PODXL2: variants seen among roughly 807,000 people sequenced by gnomAD.
PODXL2 encodes the protein podocalyxin-like protein 2.
In PODXL2, 17 loss-of-function variants were observed where a neutral mutation model predicts 53.4. That is an observed-to-expected ratio of 0.32 (90% CI 0.22 to 0.48). The LOEUF is 0.48. Ranked by LOEUF, PODXL2 falls within the 20% of genes least tolerant of loss-of-function variation. The pLI is 0.99. For missense variants in PODXL2, 673 were observed against 760.0 expected, an observed-to-expected ratio of 0.89 and a Z score of 1.35; for synonymous variants, 311 against 306.7, an observed-to-expected ratio of 1.01 and a Z score of -0.15.
rs776388608 is a variant in PODXL2 at position 127,671,610 on chromosome 3, C to T, written c.1602C>T (p.His534=). The part of the protein sequence containing the change: ...CWQRRLPKLK[H]VSHGEELRFV... The stretch of plus-strand genomic sequence containing the variant: ...AGCGCCGGCTGCCCAAGCTCAAGCA[C>T]GTGGTGAGTGTGGGGACAGGTGGGG... Residue 534 remains histidine (H), a synonymous_variant, in exon 7 of 8, where the codon CAC becomes CAT. Coordinates refer to ENST00000342480, the MANE Select transcript of PODXL2 (RefSeq NM_015720.4). 7 of 1,613,016 alleles carry T rather than the reference C, an allele frequency of 4.3e-6. No homozygotes were observed. Among genetic ancestry groups the T allele is most frequent in the Non-Finnish European group, 5.1e-6 (6 of 1,179,926 alleles).
At chr3:127,646,320 A>G (rs2074656828) in intron 2 of PODXL2, among the ~76,000 whole-genome samples, 1 of 152,088 alleles carries the variant, frequency 6.6e-6, no homozygotes, top group Non-Finnish European at 1.5e-5. Flanking sequence ...CTCTCAGCAC[A>G]GTGATTTTGC....
At chr3:127,671,959 C>T (rs960527223) in intron 7 of PODXL2, among the ~76,000 whole-genome samples, 3 of 152,210 alleles carry the variant, frequency 2.0e-5, no homozygotes, top group Admixed American at 2.0e-4. Context: ...GCTCCAGCAG[C>T]CTAGAGGCCT....
rs2074840014 is a variant in PODXL2 at position 127,671,604 on chromosome 3, C to T, written c.1596C>T (p.Leu532=). Residue 532 remains leucine (L), a synonymous_variant, in exon 7 of 8, where the codon CTC becomes CTT. Coordinates refer to ENST00000342480, the MANE Select transcript of PODXL2 (RefSeq NM_015720.4). ...GCTGGCAGCGCCGGCTGCCCAAGCTCAAGCACGTGGTGAGTGTGGGGACAG... is the reference window on the plus strand; with the variant it reads ...GCTGGCAGCGCCGGCTGCCCAAGCTTAAGCACGTGGTGAGTGTGGGGACAG... The part of the protein sequence containing the change: ...YNCWQRRLPK[L]KHVSHGEELR... The T allele has an allele frequency of 6.2e-7, 1 of 1,613,280 alleles. No homozygotes were observed.
At chr3:127,640,882 T>C (rs1488464346) in intron 2 of PODXL2, among the ~76,000 whole-genome samples, 3 of 152,288 alleles carry the variant, frequency 2.0e-5, no homozygotes, top group Non-Finnish European at 2.9e-5. Context: ...TTGTTAAATA[T>C]CCATTTATAA....
intron 2 of PODXL2, among the ~76,000 whole-genome samples, chr3:127,640,881 A>T (rs2074614126): frequency 6.6e-6 from 1 of 152,174 alleles, no homozygotes; most frequent in African/African-American, 2.4e-5. Context: ...ATTGTTAAAT[A>T]TCCATTTATA....
rs184585724 is a variant in PODXL2, at chr3:127,672,390, C to A, written c.1728C>A (p.Ala576=). ...ACCCCAGCCTGAACGGCGGCGGGGC[C>A]CTCAACGGCCCGGGGAGCTGGGGGG... The part of the protein sequence containing the change: ...EKHPSLNGGG[A]LNGPGSWGAL... Residue 576 remains alanine, a synonymous_variant, in exon 8 of 8, where the codon GCC becomes GCA. Transcript: ENST00000342480. The A allele has an allele frequency of 1.9e-6, 3 of 1,544,834 alleles. No homozygotes were observed. Among genetic ancestry groups the A allele is most frequent in the Middle Eastern group, 1.7e-4 (1 of 5,906 alleles).
intron 5 of PODXL2, 53 bp downstream of exon 5, chr3:127,668,650 G>C: frequency 7.0e-7 from 1 of 1,428,498 alleles, no homozygotes; most frequent in Non-Finnish European, 9.2e-7. Context: ...GAGGCGGGCG[G>C]CCCCTGAGGG....
chr3:127,649,264 G>T (rs908880624), intron 2 of PODXL2, among the ~76,000 whole-genome samples: 3 of 152,246 alleles, frequency 2.0e-5, no homozygotes, highest in African/African-American at 7.2e-5. Context: ...TGGTCTCCCA[G>T]TATAAGGCGG....
At chr3:127,643,347 A>G (rs1370853226) in intron 2 of PODXL2, among the ~76,000 whole-genome samples, 2 of 152,004 alleles carry the variant, frequency 1.3e-5, no homozygotes, top group African/African-American at 4.8e-5. Context: ...AGTAGCTGGG[A>G]TTATAGGCAT....
intron 2 of PODXL2, among the ~76,000 whole-genome samples, chr3:127,652,524 A>G (rs2074696554): frequency 6.6e-6 from 1 of 152,096 alleles, no homozygotes; most frequent in South Asian, 2.1e-4. Context: ...GTGGCCTCCC[A>G]TGCTCCGAGG....
chr3:127,640,707 AAAAT>A (rs978927606), intron 2 of PODXL2, among the ~76,000 whole-genome samples: 3 of 151,754 alleles, frequency 2.0e-5, no homozygotes, highest in Non-Finnish European at 2.9e-5. Flanking sequence ...ATCTCAAAAA[AAAAT>A]AAAATAAAAT....
chr3:127,664,577 A>G (rs918797645), intron 4 of PODXL2, among the ~76,000 whole-genome samples: 6 of 152,138 alleles, frequency 3.9e-5, no homozygotes, highest in Admixed American at 1.3e-4. Context: ...AGGAATCTCC[A>G]TACTGTTTTT....
chr3:127,639,213 C>T (rs1307242464), intron 1 of PODXL2, 32 bp from the exon 2 acceptor site: 2 of 1,555,140 alleles, frequency 1.3e-6, no homozygotes, highest in South Asian at 1.2e-5. Context: ...TCTCTAGCCT[C>T]CCCTGACTGT....
chr3:127,651,260 C>T (rs1400715372), intron 2 of PODXL2, among the ~76,000 whole-genome samples: 2 of 152,164 alleles, frequency 1.3e-5, no homozygotes, highest in Non-Finnish European at 2.9e-5. Context: ...AAGACTCCAT[C>T]TCAAAACAAA....
At chr3:127,664,180 A>C (rs1179935335) in intron 4 of PODXL2, among the ~76,000 whole-genome samples, 4 of 151,990 alleles carry the variant, frequency 2.6e-5, no homozygotes, top group Admixed American at 6.6e-5. Flanking sequence ...CCTTGCACCC[A>C]CCATTCTCCT....
At chr3:127,663,387 G>A (rs1450042837) in intron 4 of PODXL2, among the ~76,000 whole-genome samples, 2 of 152,166 alleles carry the variant, frequency 1.3e-5, no homozygotes, top group Non-Finnish European at 2.9e-5. Flanking sequence ...TGCTTCCAGT[G>A]TCTAGATTTT....
chr3:127,653,839 A>G (rs2074704859), intron 2 of PODXL2, among the ~76,000 whole-genome samples: 1 of 152,206 alleles, frequency 6.6e-6, no homozygotes, highest in African/African-American at 2.4e-5. Context: ...ATGTATGGAT[A>G]TGGAGATGCA....
At chr3:127,654,700 A>T (rs577875568) in intron 2 of PODXL2, among the ~76,000 whole-genome samples, 1 of 152,240 alleles carries the variant, frequency 6.6e-6, no homozygotes, top group East Asian at 1.9e-4. Flanking sequence ...AAAAATAAAA[A>T]CTCAAGTGCT....
At chr3:127,633,219 C>G (rs1314460699) in intron 1 of PODXL2, among the ~76,000 whole-genome samples, 1 of 152,184 alleles carries the variant, frequency 6.6e-6, no homozygotes, top group Non-Finnish European at 1.5e-5. Flanking sequence ...TGGCTTCTTT[C>G]CCTGGCCCTT....
Sources: allele counts gnomAD v4.1 joint callset (sites outside exome capture counted in the v4.1 genomes callset), GRCh38; gene constraint gnomAD v4.1.1; transcripts MANE v1.5; gene names NCBI Gene and HGNC (gene_info 2026-07-23, HGNC 2026-07-21).